The following FAT4 variants were observed in gnomAD, a reference collection of about 807,000 sequenced individuals.
FAT4 encodes FAT atypical cadherin 4.
Under a neutral mutation model 303.9 loss-of-function variants are expected in FAT4, and 84 were observed. The observed-to-expected ratio is 0.28, with a 90% CI of 0.23 to 0.33. FAT4 has a LOEUF of 0.33. FAT4 is among the 10% of genes least tolerant of loss of function. FAT4 has a pLI of 1.00. For synonymous variants in FAT4, 2,307 were observed against 2,298.8 expected, an observed-to-expected ratio of 1.00 and a Z score of -0.10; for missense variants, 6,005 against 6,146.8, an observed-to-expected ratio of 0.98 and a Z score of 0.77.
At chr4:125,404,705 C>A (rs534394681) in intron 3 of FAT4, among the ~76,000 whole-genome samples, 1 of 152,038 alleles carries the variant, frequency 6.6e-6, no homozygotes, top group South Asian at 2.1e-4. Context: ...AAGATGTATA[C>A]CCATGGCTTA....
rs1282293758 is a variant in FAT4 at position 125,320,551 on chromosome 4, T to C, written c.4140T>C (p.Phe1380=). The C allele has an allele frequency of 6.2e-7, 1 of 1,614,020 alleles. No homozygotes were observed. The highest frequency in any genetic ancestry group is 8.5e-7 in the Non-Finnish European group (1 of 1,179,910). The change falls in exon 2 of 18, where the codon TTT becomes TTC. Residue 1380 remains phenylalanine, a synonymous_variant. Transcript: ENST00000394329. The part of the protein sequence containing the change: ...GSIFLAKKLD[F]ETQSLYKLNI... ...TTTTTCTTGCCAAAAAACTGGACTT[T>C]GAAACACAGTCTTTGTATAAATTAA...
intron 2 of FAT4, among the ~76,000 whole-genome samples, chr4:125,335,371 G>A (rs1010959138): frequency 6.6e-5 from 10 of 152,010 alleles, no homozygotes; most frequent in Non-Finnish European, 4.4e-5. Flanking sequence ...TTGTGATTGA[G>A]CAGTATTAAC....
Position 125,452,011 on chromosome 4 carries a change from T to G in FAT4, c.11001T>G (p.Thr3667=), listed in dbSNP as rs1284617459. 2 of 1,614,080 alleles carry G rather than the reference T, an allele frequency of 1.2e-6. No homozygotes were observed. Among genetic ancestry groups the G allele is most frequent in the Non-Finnish European group, 8.5e-7 (1 of 1,180,042 alleles). ...VTSLFSIPGG[T]CDLNSQPRST... is the part of the protein sequence containing the mutation. ...GCCTCTTCAGTATTCCAGGGGGTAC[T>G]TGTGATCTGAATTCCCAGCCAAGGT... is the stretch of plus-strand genomic sequence containing the variant. The change falls in exon 10 of 18, where the codon ACT becomes ACG. Residue 3667 remains threonine, a synonymous_variant. Transcript: ENST00000394329.
At chr4:125,335,558 C>T (rs934055054) in intron 2 of FAT4, among the ~76,000 whole-genome samples, 11 of 151,656 alleles carry the variant, frequency 7.3e-5, no homozygotes, top group African/African-American at 1.7e-4. Flanking sequence ...TTATAATACA[C>T]GGAGGAAACA....
chr4:125,457,942 C>T (rs977270801), intron 10 of FAT4, among the ~76,000 whole-genome samples: 1 of 152,008 alleles, frequency 6.6e-6, no homozygotes, highest in African/African-American at 2.4e-5. Flanking sequence ...GTAATAGTAA[C>T]CACATCAACA....
At chr4:125,467,028 C>G (rs145649582) in intron 11 of FAT4, among the ~76,000 whole-genome samples, 2 of 152,062 alleles carry the variant, frequency 1.3e-5, no homozygotes, top group Non-Finnish European at 2.9e-5. Flanking sequence ...CCGCCCACCT[C>G]GGCCTCCCAA....
rs1727592122 is a variant in FAT4, at chr4:125,490,587, C to A, written c.13771C>A (p.Pro4591Thr). 6.2e-7 allele frequency: 1 copy of A among 1,614,000 alleles called. No individual in the cohort carries two copies. Among genetic ancestry groups the A allele is most frequent in the African/African-American group, 1.3e-5 (1 of 74,896 alleles). Residue 4591 changes from proline (P) to threonine (T), a missense_variant, in exon 18 of 18, where the codon CCC becomes ACC. Transcript: ENST00000394329. The stretch of plus-strand genomic sequence containing the variant: ...ACCAGATATCATTGAAAGGGAAAAC[C>A]CCTACCTTATCTATGATGAAACTGA... ...PKPDIIEREN[P>T]YLIYDETDIP...
chr4:125,481,735 G>A lies in FAT4; in HGVS notation c.12819G>A (p.Val4273=), dbSNP rs6824160. 210,475 of 1,613,050 alleles carry A rather than the reference G, an allele frequency of 0.13. 14,794 individuals carry two copies. Among genetic ancestry groups the A allele is most frequent in the East Asian group, 0.25 (11,106 of 44,848 alleles). ...HIQESSNYTT[V]KIKNGKVYFT... Reference sequence around the variant, plus strand: ...AAGAAAGCAGCAATTACACTACTGTGAAGGTGAGATAAAAGCTAATGGTGA... The same window carrying A: ...AAGAAAGCAGCAATTACACTACTGTAAAGGTGAGATAAAAGCTAATGGTGA... Residue 4273 remains valine, a synonymous_variant, in exon 16 of 18, where the codon GTG becomes GTA. Coordinates refer to ENST00000394329, the MANE Select transcript of FAT4 (RefSeq NM_001291303.3).
At chr4:125,340,290 T>C (rs1386298018) in intron 2 of FAT4, among the ~76,000 whole-genome samples, 52 of 152,236 alleles carry the variant, frequency 3.4e-4, no homozygotes, top group Admixed American at 3.4e-3. Context: ...CATATTACTT[T>C]TCAGAAGATT....
In FAT4 at chr4:125,448,619, A is replaced by G; in HGVS notation, c.7609A>G (p.Thr2537Ala). The change falls in exon 10 of 18, where the codon ACA becomes GCA. Residue 2537 changes from threonine to alanine, a missense_variant. Transcript: ENST00000394329. ...AGPLNGASEV[T>A]FSVHVKDGGS... ...ACCACTAAACGGAGCTTCAGAAGTGACATTTTCTGTGCATGTAAAAGATGG... is the reference window on the plus strand; with the variant it reads ...ACCACTAAACGGAGCTTCAGAAGTGGCATTTTCTGTGCATGTAAAAGATGG... 2 of 1,613,974 alleles carry G rather than the reference A, an allele frequency of 1.2e-6. No individual in the cohort carries two copies. The highest frequency in any genetic ancestry group is 1.7e-6 in the Non-Finnish European group (2 of 1,179,912).
chr4:125,462,046 G>T (rs142561548), intron 10 of FAT4, among the ~76,000 whole-genome samples: 113 of 152,022 alleles, frequency 7.4e-4, no homozygotes, highest in African/African-American at 2.6e-3. Context: ...AAGGTATTCT[G>T]AAATTGTTAG....
At chr4:125,400,916 C>T (rs997231803) in intron 3 of FAT4, among the ~76,000 whole-genome samples, 33 of 151,864 alleles carry the variant, frequency 2.2e-4, no homozygotes, top group African/African-American at 8.0e-4. Flanking sequence ...GTTAGCAATT[C>T]AAGGGTAGAG....
intron 8 of FAT4, among the ~76,000 whole-genome samples, chr4:125,438,507 T>C (rs1301148493): frequency 2.0e-5 from 3 of 152,176 alleles, no homozygotes; most frequent in African/African-American, 7.2e-5. Flanking sequence ...ATTAACATTA[T>C]ACTTTTACAT....
At chr4:125,340,370 A>G (rs777021271) in intron 2 of FAT4, among the ~76,000 whole-genome samples, 18 of 142,048 alleles carry the variant, frequency 1.3e-4, no homozygotes, top group Non-Finnish European at 2.0e-4. Context: ...CTCGTAGAGC[A>G]CATTGTAAGA....
At chr4:125,341,811 G>T (rs575864563) in intron 2 of FAT4, among the ~76,000 whole-genome samples, 30 of 152,034 alleles carry the variant, frequency 2.0e-4, no homozygotes, top group Middle Eastern at 3.4e-3. Context: ...ATAATATAAA[G>T]ACATTTGACA....
rs541546494 is a variant in FAT4, at chr4:125,428,508, G to A, written c.7019-5737G>A. ...CTGTGCACAGTCTCTCTCTCTCTCT[G>A]TCTCTCTTCCCATGAGTGTGTGCAT... On this transcript the variant is annotated intron_variant, in intron 7 of 17. Transcript: ENST00000394329. 2.8e-4 allele frequency among the ~76,000 whole-genome samples: 43 copies of A among 152,182 alleles called. No individual in the cohort carries two copies. The Middle Eastern group carries it at 0.024, about 84-fold the overall frequency.
rs771131966 is a variant in FAT4, at chr4:125,450,817, T to C, written c.9807T>C (p.Thr3269=). The C allele has an allele frequency of 3.7e-6, 6 of 1,614,164 alleles. No individual in the cohort carries two copies. The South Asian group carries it at 4.4e-5, about 12-fold the overall frequency. Residue 3269 remains threonine (T), a synonymous_variant, in exon 10 of 18, where the codon ACT becomes ACC. Coordinates refer to ENST00000394329, the MANE Select transcript of FAT4 (RefSeq NM_001291303.3). Reference sequence around the variant, plus strand: ...AAACCAAGCAGAGCTACCATCTTACTGTGAAAGCCTTCAATGTCCCCGATG... The same window carrying C: ...AAACCAAGCAGAGCTACCATCTTACCGTGAAAGCCTTCAATGTCCCCGATG... ...DFETKQSYHL[T]VKAFNVPDEE... is the part of the protein sequence containing the mutation.
chr4:125,334,890 A>G (rs1454686493), intron 2 of FAT4, among the ~76,000 whole-genome samples: 1 of 152,188 alleles, frequency 6.6e-6, no homozygotes. Context: ...TAGTATAGCT[A>G]TGTGGAACAG....
At chr4:125,489,740 C>CT (rs1210766648) in intron 17 of FAT4, among the ~76,000 whole-genome samples, 161 bp from the exon 18 acceptor site, 1 of 150,542 alleles carries the variant, frequency 6.6e-6, no homozygotes, top group African/African-American at 2.4e-5. Context: ...GCTTAATTAT[C>CT]TTTCAGCTGG....
Sources: allele counts gnomAD v4.1 joint callset (sites outside exome capture counted in the v4.1 genomes callset), GRCh38; gene constraint gnomAD v4.1.1; transcripts MANE v1.5; gene names NCBI Gene and HGNC (gene_info 2026-07-23, HGNC 2026-07-21).